The following DST variants were observed in gnomAD, a reference collection of about 807,000 sequenced individuals.
DST encodes the protein bullous pemphigoid antigen.
In DST, 253 loss-of-function variants were observed where a neutral mutation model predicts 875.2. The ratio of observed to expected loss-of-function variants is 0.29; its 90% confidence interval spans 0.26 to 0.32. The LOEUF is 0.32. DST is among the 10% of genes least tolerant of loss of function. DST has a pLI of 1.00. For missense variants in DST, 8,287 were observed against 9,111.6 expected, an observed-to-expected ratio of 0.91 and a Z score of 3.68; for synonymous variants, 3,124 against 3,197.1, an observed-to-expected ratio of 0.98 and a Z score of 0.77.
At position 56,670,817 on chromosome 6, in the gene DST, A is replaced by T; in HGVS notation, c.1048-10T>A. The T allele has an allele frequency of 6.3e-7, 1 of 1,575,204 alleles. No homozygotes were observed. The highest frequency in any genetic ancestry group is 8.6e-7 in the Non-Finnish European group (1 of 1,161,296). Reference sequence around the variant, plus strand: ...CATGGATATCAGATATCTAGATATAACAGAAAGTGTTAAACCTTTAGGAAG... The same window carrying T: ...CATGGATATCAGATATCTAGATATATCAGAAAGTGTTAAACCTTTAGGAAG... On this transcript the variant is annotated splice_polypyrimidine_tract_variant and intron_variant, in intron 9 of 103. Transcript: ENST00000680361.
At chr6:56,630,223 T>C (rs2098766977) in intron 31 of DST, 22 bp downstream of exon 31, 3 of 1,516,614 alleles carry the variant, frequency 2.0e-6, no homozygotes, top group Non-Finnish European at 2.7e-6. Context: ...TATTTAAAAA[T>C]ATCCAAAAGT....
chr6:56,909,843 T>C (rs990821577), intron 2 of DST, among the ~76,000 whole-genome samples: 6 of 152,304 alleles, frequency 3.9e-5, no homozygotes, highest in Admixed American at 1.3e-4. Flanking sequence ...GTCTTAATAA[T>C]ACTGTATCCC....
intron 5 of DST, among the ~76,000 whole-genome samples, chr6:56,724,897 C>T (rs1381242306): frequency 6.6e-6 from 1 of 152,172 alleles, no homozygotes; most frequent in African/African-American, 2.4e-5. Flanking sequence ...TTAGAGAAGA[C>T]AGGCGGACAA....
In DST at chr6:56,471,288, T is replaced by C. The variant is rs1368068156; in HGVS notation, c.22159-20A>G. On this transcript the variant is annotated intron_variant, in intron 94 of 103. Transcript: ENST00000680361. Reference sequence around the variant, plus strand: ...CCTCAGCTAAAAGGACAAAAAGTATTTTGATTGAGTTAATGCTGTACTAAA... The same window carrying C: ...CCTCAGCTAAAAGGACAAAAAGTATCTTGATTGAGTTAATGCTGTACTAAA... 1 of 1,552,304 alleles carries C rather than the reference T, an allele frequency of 6.4e-7. No homozygotes were observed. The highest frequency in any genetic ancestry group is 2.4e-5 in the East Asian group (1 of 42,484).
chr6:56,943,653 A>G (rs1592781105), intron 2 of DST, among the ~76,000 whole-genome samples: 3 of 151,668 alleles, frequency 2.0e-5, no homozygotes, highest in South Asian at 4.2e-4. Context: ...GGCTGATCTC[A>G]AACTCCCAAC....
intron 4 of DST, among the ~76,000 whole-genome samples, chr6:56,778,201 C>T (rs1264163363): frequency 6.6e-6 from 1 of 151,940 alleles, no homozygotes; most frequent in Non-Finnish European, 1.5e-5. Flanking sequence ...GCCTTTCATT[C>T]ATCTCTGTCT....
At chr6:56,620,572 C>T (rs2098681264) in intron 36 of DST, 2 of 1,613,888 alleles carry the variant, frequency 1.2e-6, no homozygotes, top group Admixed American at 3.3e-5. Flanking sequence ...CTACTCGGGA[C>T]TTTTGTTTCT....
chr6:56,953,635 T>C, intron 2 of DST, 150 bp downstream of exon 2: 2 of 482,792 alleles, frequency 4.1e-6, no homozygotes, highest in Non-Finnish European at 6.9e-6. Context: ...TAATATGAAA[T>C]CACTTAAAAG....
intron 61 of DST, 143 bp from the exon 62 acceptor site, chr6:56,537,083 T>C: frequency 1.5e-6 from 1 of 666,092 alleles, no homozygotes; most frequent in Non-Finnish European, 2.4e-6. Flanking sequence ...TAGCCATAGG[T>C]CATAGCTACC....
At chr6:56,722,748 T>G (rs975041757) in intron 5 of DST, among the ~76,000 whole-genome samples, 1 of 152,174 alleles carries the variant, frequency 6.6e-6, no homozygotes, top group East Asian at 1.9e-4. Context: ...TTATCCTACA[T>G]TGTAGAAATA....
chr6:56,884,790 G>A (rs191258491), intron 3 of DST, among the ~76,000 whole-genome samples: 423 of 152,010 alleles, frequency 2.8e-3, no homozygotes, highest in Non-Finnish European at 4.5e-3. Context: ...GTGCAATGGC[G>A]CGATCTCGGC....
rs1584757806 is a variant in DST, at chr6:56,552,197, A to G, written c.16595T>C (p.Leu5532Pro). ...AGAGTTCCCTACCTTGAACATGTTA[A>G]GCTGCTGATTAATTGTCTCCGTTTC... ...GMETETINQQLNMFKVFQKEE... is the reference protein window; with the variant it reads ...GMETETINQQPNMFKVFQKEE... The change falls in exon 61 of 104, where the codon CTT (leucine) becomes CCT (proline). Residue 5532 changes from leucine (L) to proline (P), a missense_variant. Physicochemically the swap from Leu to Pro is moderately conservative, Grantham distance 98 (BLOSUM62 -3). Coordinates refer to ENST00000680361, the MANE Select transcript of DST (RefSeq NM_001374736.1). The G allele has an allele frequency of 5.0e-6, 8 of 1,609,898 alleles. No individual in the cohort carries two copies. In the East Asian group the frequency reaches 1.8e-4, roughly 36 times the overall value.
chr6:56,654,835 C>A (rs1429339000), intron 10 of DST, among the ~76,000 whole-genome samples: 1 of 151,958 alleles, frequency 6.6e-6, no homozygotes, highest in African/African-American at 2.4e-5. Context: ...TAGGATTCTG[C>A]AGGAACATAT....
At chr6:56,767,823 C>T (rs371119900) in intron 4 of DST, among the ~76,000 whole-genome samples, 5 of 152,020 alleles carry the variant, frequency 3.3e-5, no homozygotes, top group African/African-American at 1.2e-4. Flanking sequence ...CTGAATAAGA[C>T]TTAAAAGAGA....
chr6:56,954,453 C>G lies in DST; in HGVS notation c.135G>C (p.Gly45=). ...FCCWHRKLQK[G]RHPMKSVFSG... ...AGAAGACCGATTTCATCGGATGCCTCCCTTTCTGGAGCTTGCGGTGCCAGC... is the reference window on the plus strand; with the variant it reads ...AGAAGACCGATTTCATCGGATGCCTGCCTTTCTGGAGCTTGCGGTGCCAGC... Residue 45 remains glycine (G), a synonymous_variant, in exon 1 of 104, where the codon GGG becomes GGC. Coordinates refer to ENST00000680361, the MANE Select transcript of DST (RefSeq NM_001374736.1). 2 of 1,367,556 alleles carry G rather than the reference C, an allele frequency of 1.5e-6. No homozygotes were observed. Among genetic ancestry groups the G allele is most frequent in the Non-Finnish European group, 2.0e-6 (2 of 1,021,836 alleles). The allele number at this position is 1,367,556 out of a possible 1,614,324, so 84.7% of individuals were successfully genotyped here.
chr6:56,682,346 C>T (rs2099161009), intron 9 of DST, among the ~76,000 whole-genome samples: 1 of 152,068 alleles, frequency 6.6e-6, no homozygotes, highest in Non-Finnish European at 1.5e-5. Context: ...CTTATTTTAC[C>T]TTTTCACTTC....
intron 4 of DST, among the ~76,000 whole-genome samples, chr6:56,742,080 A>G (rs2099548932): frequency 6.6e-6 from 1 of 152,204 alleles, no homozygotes; most frequent in South Asian, 2.1e-4. Flanking sequence ...ATAAATACAT[A>G]TTCTGTGGAC....
At chr6:56,928,466 A>C (rs1808380066) in intron 2 of DST, among the ~76,000 whole-genome samples, 1 of 152,192 alleles carries the variant, frequency 6.6e-6, no homozygotes, top group African/African-American at 2.4e-5. Flanking sequence ...ATCTCAACCC[A>C]AAAGCCCACT....
In DST at chr6:56,605,537, C is replaced by T. The variant is rs372407100; in HGVS notation, c.9091G>A (p.Asp3031Asn). 55 of 1,612,996 alleles carry T rather than the reference C, an allele frequency of 3.4e-5. No homozygotes were observed. Among genetic ancestry groups the T allele is most frequent in the Middle Eastern group, 1.7e-4 (1 of 6,058 alleles). The change falls in exon 40 of 104, where the codon GAT becomes AAT. Residue 3031 changes from aspartate to asparagine, a missense_variant. Physicochemically the swap from Asp to Asn is conservative, Grantham distance 23. Transcript: ENST00000680361. The stretch of plus-strand genomic sequence containing the variant: ...TTGCCATCTCTCCCTTTAATGAGAT[C>T]GCTTCCATTTCCTTGAGGATCTTTG... ...TDKDPQGNGS[D>N]LIKGRDGKSD... is the part of the protein sequence containing the mutation.
Sources: allele counts gnomAD v4.1 joint callset (sites outside exome capture counted in the v4.1 genomes callset), GRCh38; gene constraint gnomAD v4.1.1; transcripts MANE v1.5; gene names NCBI Gene and HGNC (gene_info 2026-07-23, HGNC 2026-07-21).